DLEU7: variants seen among roughly 807,000 people sequenced by gnomAD.
DLEU7 encodes the protein deleted in lymphocytic leukemia 7, also known as leukemia-associated protein 7.
In DLEU7, 17 loss-of-function variants were observed where a neutral mutation model predicts 16.0. The ratio of observed to expected loss-of-function variants is 1.06; its 90% CI spans 0.73 to 1.59. The LOEUF is 1.59. Ranked by LOEUF, DLEU7 falls within the 40% of genes most tolerant of loss-of-function variation. DLEU7 has a pLI of 0.00. For missense variants in DLEU7, 308 were observed against 314.9 expected (o/e 0.98, Z 0.17); for synonymous variants, 113 against 139.8 (o/e 0.81, Z 1.35).
chr13:50,770,780 G>C (rs1593389056), intron 1 of DLEU7, among the ~76,000 whole-genome samples: 1 of 152,120 alleles, frequency 6.6e-6, no homozygotes, highest in Admixed American at 6.5e-5. Context: ...GATGATGCTG[G>C]CCTCATAAAA....
chr13:50,797,157 C>T (rs536552871), intron 1 of DLEU7, among the ~76,000 whole-genome samples: 37 of 152,100 alleles, frequency 2.4e-4, no homozygotes, highest in African/African-American at 8.7e-4. Context: ...AGGGTAGGAA[C>T]GTGAGTGCAG....
At chr13:50,837,410 C>G (rs1235131833) in intron 1 of DLEU7, among the ~76,000 whole-genome samples, 7 of 152,158 alleles carry the variant, frequency 4.6e-5, no homozygotes, top group South Asian at 2.1e-4. Flanking sequence ...TTTCAGAAAG[C>G]TTTTATGTCC....
intron 1 of DLEU7, among the ~76,000 whole-genome samples, chr13:50,749,540 T>C (rs1718244752): frequency 6.6e-6 from 1 of 152,194 alleles, no homozygotes; most frequent in Non-Finnish European, 1.5e-5. Context: ...CTGTACTAGT[T>C]TGCATTCCTA....
At chr13:50,744,108 C>T (rs1244466706) in intron 1 of DLEU7, among the ~76,000 whole-genome samples, 1 of 151,992 alleles carries the variant, frequency 6.6e-6, no homozygotes, top group East Asian at 1.9e-4. Flanking sequence ...GTCAGCATGA[C>T]CACCAGAAGG....
At chr13:50,810,276 T>A (rs1449713550) in intron 1 of DLEU7, among the ~76,000 whole-genome samples, 1 of 151,924 alleles carries the variant, frequency 6.6e-6, no homozygotes, top group Non-Finnish European at 1.5e-5. Flanking sequence ...TTCCCCCAGG[T>A]TTGGGATTTG....
intron 1 of DLEU7, among the ~76,000 whole-genome samples, chr13:50,720,529 G>T (rs1317040192): frequency 6.6e-6 from 1 of 152,194 alleles, no homozygotes; most frequent in Non-Finnish European, 1.5e-5. Flanking sequence ...CACCATCCCA[G>T]ACTATTAGAC....
intron 1 of DLEU7, among the ~76,000 whole-genome samples, chr13:50,736,456 T>C (rs557203859): frequency 6.6e-6 from 1 of 151,990 alleles, no homozygotes; most frequent in Non-Finnish European, 1.5e-5. Flanking sequence ...CCCCATGACA[T>C]GAGTTTACCT....
intron 1 of DLEU7, among the ~76,000 whole-genome samples, chr13:50,772,755 C>G (rs188193198): frequency 1.3e-5 from 2 of 152,256 alleles, no homozygotes; most frequent in East Asian, 3.9e-4. Context: ...TGGGGTTGCT[C>G]TTCTCGAGGA....
intron 1 of DLEU7, among the ~76,000 whole-genome samples, chr13:50,737,365 G>A (rs1025768850): frequency 6.6e-6 from 1 of 151,984 alleles, no homozygotes; most frequent in Non-Finnish European, 1.5e-5. Context: ...ATTTTATTAT[G>A]CTTCACTTCA....
chr13:50,834,862 A>G (rs550426241), intron 1 of DLEU7, among the ~76,000 whole-genome samples: 68 of 152,328 alleles, frequency 4.5e-4, no homozygotes, highest in South Asian at 8.3e-4. Flanking sequence ...CTATGCAGCC[A>G]TAAAAAAGGA....
intron 1 of DLEU7, among the ~76,000 whole-genome samples, chr13:50,759,850 A>T (rs1874872655): frequency 6.6e-6 from 1 of 152,192 alleles, no homozygotes; most frequent in Non-Finnish European, 1.5e-5. Context: ...ACCCCTCCAC[A>T]GCAAGAACTT....
chr13:50,838,809 T>G (rs1478220747), intron 1 of DLEU7, among the ~76,000 whole-genome samples: 3 of 152,124 alleles, frequency 2.0e-5, no homozygotes, highest in Non-Finnish European at 2.9e-5. Context: ...AGGACTGGTG[T>G]TGTTATAAGA....
Position 50,753,655 on chromosome 13 carries a change from C to T in DLEU7, c.460-40415G>A, listed in dbSNP as rs115650328. ...GGAACTCGCACTGGCCCGCAAGCAC[C>T]GTGCGCAGCCCCAGTTCCCACTCAG... is the stretch of plus-strand genomic sequence containing the variant. On this transcript the variant is annotated intron_variant, in intron 1 of 1. Transcript: ENST00000400393. 5.8e-3 allele frequency among the ~76,000 whole-genome samples: 890 copies of T among 152,312 alleles called. 8 individuals are homozygous for T. Among genetic ancestry groups the T allele is most frequent in the African/African-American group, 0.02 (826 of 41,564 alleles).
intron 1 of DLEU7, among the ~76,000 whole-genome samples, chr13:50,738,813 A>T (rs183982219): frequency 2.0e-5 from 3 of 152,264 alleles, no homozygotes; most frequent in African/African-American, 7.2e-5. Flanking sequence ...TCTGAGGTGT[A>T]CTGTGTTGGC....
intron 1 of DLEU7, among the ~76,000 whole-genome samples, chr13:50,770,921 A>G (rs1234420612): frequency 6.6e-6 from 1 of 152,142 alleles, no homozygotes; most frequent in East Asian, 1.9e-4. Flanking sequence ...TTGGTAGGAT[A>G]TTAATTATTG....
At chr13:50,787,536 T>C (rs1027865421) in intron 1 of DLEU7, among the ~76,000 whole-genome samples, 6 of 152,080 alleles carry the variant, frequency 3.9e-5, no homozygotes, top group African/African-American at 1.4e-4. Context: ...AGAAGTCACC[T>C]GAACCACCTC....
At chr13:50,756,571 G>T (rs975816208) in intron 1 of DLEU7, among the ~76,000 whole-genome samples, 1 of 152,128 alleles carries the variant, frequency 6.6e-6, no homozygotes. Context: ...ACTGTGACCC[G>T]CTAACAACCC....
chr13:50,832,863 G>A (rs748326624), intron 1 of DLEU7, among the ~76,000 whole-genome samples: 11 of 151,946 alleles, frequency 7.2e-5, no homozygotes, highest in Non-Finnish European at 1.0e-4. Flanking sequence ...TATGATTTCC[G>A]TTCTTTTGCC....
chr13:50,737,791 G>A (rs1874119719), intron 1 of DLEU7, among the ~76,000 whole-genome samples: 1 of 152,056 alleles, frequency 6.6e-6, no homozygotes, highest in African/African-American at 2.4e-5. Flanking sequence ...AAGTGTACAG[G>A]TGAAAGGAAA....
Sources: gnomAD v4.1 joint callset for allele counts (sites outside exome capture counted in the v4.1 genomes callset) on GRCh38, gnomAD v4.1.1 for gene constraint, MANE v1.5 for transcripts, NCBI Gene and HGNC (gene_info 2026-07-23, HGNC 2026-07-21) for gene names.